The following TTLL6 variants were observed in gnomAD, a reference collection of about 807,000 sequenced individuals.
TTLL6 encodes the protein tubulin tyrosine ligase like 6, also known as tubulin polyglutamylase TTLL6.
A neutral mutation model predicts 96.4 loss-of-function variants in TTLL6; 75 were observed. The ratio of observed to expected loss-of-function variants is 0.78; its 90% CI spans 0.65 to 0.94. The LOEUF (loss-of-function observed/expected upper bound fraction) is 0.94. TTLL6 is among the 40% of genes least tolerant of loss of function. The probability of loss-of-function intolerance (pLI) is 0.00; values close to 1 mark genes in which losing one functional copy is unlikely to be tolerated. For synonymous variants in TTLL6, 411 were observed against 419.4 expected, an observed-to-expected ratio of 0.98 and a Z score of 0.24; for missense variants, 1,030 against 1,093.0, an observed-to-expected ratio of 0.94 and a Z score of 0.81.
intron 1 of TTLL6, 111 bp downstream of exon 1, chr17:48,816,859 G>A (rs1400269554): frequency 2.6e-6 from 2 of 764,768 alleles, no homozygotes; most frequent in East Asian, 3.3e-5. Flanking sequence ...GGCTACCCTG[G>A]GGACCTGGGT....
chr17:48,817,124 C>A lies in TTLL6; in HGVS notation c.-52G>T. On this transcript the variant is annotated 5_prime_UTR_variant, in exon 1 of 16. Transcript: ENST00000393382. Reference sequence around the variant, plus strand: ...CCCGCGCTCGCCCTAACTTTGGGTCCGCCCGGCCCTCATATTTGCATACGG... The same window carrying A: ...CCCGCGCTCGCCCTAACTTTGGGTCAGCCCGGCCCTCATATTTGCATACGG... 1 of 1,409,016 alleles carries A rather than the reference C, an allele frequency of 7.1e-7. No individual in the cohort carries two copies. The highest frequency in any genetic ancestry group is 9.6e-7 in the Non-Finnish European group (1 of 1,042,128). The allele number at this position is 1,409,016 out of a possible 1,614,324, so 87.3% of individuals were successfully genotyped here.
chr17:48,774,533 A>G (rs1463870032), intron 13 of TTLL6, among the ~76,000 whole-genome samples: 2 of 152,042 alleles, frequency 1.3e-5, no homozygotes, highest in Non-Finnish European at 2.9e-5. Flanking sequence ...AGTAAAAAAG[A>G]GAAAGAATAA....
chr17:48,767,154 C>T (rs1482511427), intron 15 of TTLL6, among the ~76,000 whole-genome samples: 15 of 152,128 alleles, frequency 9.9e-5, no homozygotes, highest in African/African-American at 1.9e-4. Context: ...CTGCCCACCT[C>T]GGCCTCCCAA....
rs189634235 is a variant in TTLL6, at chr17:48,801,367, C to A, written c.499G>T (p.Gly167Trp). 5 of 1,551,460 alleles carry A rather than the reference C, an allele frequency of 3.2e-6. No individual in the cohort carries two copies. The highest frequency in any genetic ancestry group is 1.7e-4 in the Middle Eastern group (1 of 6,014). Residue 167 changes from glycine (G) to tryptophan (W), a missense_variant, in exon 5 of 16, where the codon GGG becomes TGG. Gly to Trp is a radical substitution (Grantham distance 184). Coordinates refer to ENST00000393382, the MANE Select transcript of TTLL6 (RefSeq NM_001130918.3). ...KSYQKINHFPGMSEICRKDLL... is the reference protein window; with the variant it reads ...KSYQKINHFPWMSEICRKDLL... ...TCCTTCCGGCAGATTTCACTCATCC[C>A]GGGGAAGTGATTGATCTTCTGGAAG... is the stretch of plus-strand genomic sequence containing the variant.
chr17:48,808,499 C>T (rs1314905061), intron 1 of TTLL6, among the ~76,000 whole-genome samples: 1 of 152,108 alleles, frequency 6.6e-6, no homozygotes, highest in Non-Finnish European at 1.5e-5. Context: ...CAATATGCAA[C>T]AAGAGCAGGC....
At position 48,769,642 on chromosome 17, in the gene TTLL6, G is replaced by C. The variant is rs533192964; in HGVS notation, c.2410+86C>G. 2.7e-6 allele frequency: 4 copies of C among 1,499,788 alleles called. No homozygotes were observed. In the Admixed American group the frequency reaches 6.2e-5, roughly 23 times the overall value. The allele number at this position is 1,499,788 out of a possible 1,614,324, so 92.9% of individuals were successfully genotyped here. A position where few individuals can be genotyped will look rare whatever the true frequency, so the allele number is the denominator to read the frequency against. ...AGGGGCTGTCCCCCCTCCAAAGACT[G>C]GGAGCTCCCCAAAGATTAGGACTGG... On this transcript the variant is annotated intron_variant, in intron 14 of 15. Coordinates refer to ENST00000393382, the MANE Select transcript of TTLL6 (RefSeq NM_001130918.3).
At chr17:48,792,682 C>T (rs981692195) in intron 8 of TTLL6, among the ~76,000 whole-genome samples, 9 of 152,170 alleles carry the variant, frequency 5.9e-5, no homozygotes, top group African/African-American at 2.2e-4. Context: ...GGAGTCAACA[C>T]ACATGTGAAA....
At chr17:48,768,209 C>T (rs2038654133) in intron 15 of TTLL6, among the ~76,000 whole-genome samples, 1 of 152,112 alleles carries the variant, frequency 6.6e-6, no homozygotes, top group African/African-American at 2.4e-5. Flanking sequence ...ATCCTCCTAC[C>T]TTGGCCTCCC....
intron 3 of TTLL6, among the ~76,000 whole-genome samples, chr17:48,802,118 GAAAGAA>G (rs1190900588): frequency 7.9e-6 from 1 of 127,384 alleles, no homozygotes; most frequent in African/African-American, 2.6e-5. Flanking sequence ...AAGAAAGAAA[GAAAGAA>G]AGAAAGAAAG....
rs1026875124 is a variant in TTLL6 at position 48,786,187 on chromosome 17, C to G, written c.1738G>C (p.Ala580Pro). 1.9e-6 allele frequency: 3 copies of G among 1,614,110 alleles called. No homozygotes were observed. Among genetic ancestry groups the G allele is most frequent in the African/African-American group, 1.3e-5 (1 of 74,934 alleles). The change falls in exon 12 of 16, where the codon GCC becomes CCC. Residue 580 changes from alanine to proline, a missense_variant. By Grantham distance (27) the Ala-to-Pro change is conservative. Coordinates refer to ENST00000393382, the MANE Select transcript of TTLL6 (RefSeq NM_001130918.3). ...WQQKQQQKDK[A>P]ATQASKQYIQ... ...ACCTGTTTGGAGGCTTGGGTGGCGG[C>G]CTTGTCTTTCTGCTGTTGTTTCTGT...
intron 15 of TTLL6, 125 bp downstream of exon 15, chr17:48,768,864 T>G: frequency 9.3e-7 from 1 of 1,073,098 alleles, no homozygotes; most frequent in South Asian, 1.5e-5. Flanking sequence ...TTACTAAGTC[T>G]TCATTGTCTA....
At chr17:48,787,152 C>A (rs2039115959) in intron 11 of TTLL6, among the ~76,000 whole-genome samples, 1 of 151,964 alleles carries the variant, frequency 6.6e-6, no homozygotes, top group Admixed American at 6.6e-5. Flanking sequence ...ATATGTGATC[C>A]CTCCTCTGCT....
At chr17:48,784,560 G>A (rs1007107068) in intron 13 of TTLL6, among the ~76,000 whole-genome samples, 3 of 152,112 alleles carry the variant, frequency 2.0e-5, no homozygotes, top group African/African-American at 4.8e-5. Context: ...AGGATCCTCC[G>A]TCTAGAGCCC....
At chr17:48,790,646 G>T (rs1052034951) in intron 9 of TTLL6, among the ~76,000 whole-genome samples, 3 of 152,164 alleles carry the variant, frequency 2.0e-5, no homozygotes, top group Non-Finnish European at 4.4e-5. Context: ...TGCTCTTTGG[G>T]TAAGGGCTGC....
intron 8 of TTLL6, among the ~76,000 whole-genome samples, chr17:48,792,245 C>A (rs534455848): frequency 6.6e-6 from 1 of 152,296 alleles, no homozygotes; most frequent in East Asian, 1.9e-4. Context: ...CACAGATGAA[C>A]TCAGAGATGT....
rs149695304 is a variant in TTLL6 at position 48,769,825 on chromosome 17, A to C, written c.2313T>G (p.His771Gln). ...GCTTGGTGAGTAGCTCGGATATCAA[A>C]TGTGGCTTGTTCATGTCACTCTTTA... The part of the protein sequence containing the change: ...TLLKSDMNKP[H>Q]LISELLTKLQ... Residue 771 changes from histidine to glutamine, a missense_variant, in exon 14 of 16, where the codon CAT becomes CAG. Transcript: ENST00000393382. 33 of 1,614,130 alleles carry C rather than the reference A, an allele frequency of 2.0e-5. No individual in the cohort carries two copies. In the African/African-American group the frequency reaches 4.4e-4, roughly 22 times the overall value.
intron 13 of TTLL6, among the ~76,000 whole-genome samples, chr17:48,777,529 G>A (rs886987474): frequency 1.6e-4 from 25 of 152,120 alleles, no homozygotes; most frequent in Admixed American, 4.6e-4. Flanking sequence ...TCAGGAGTTC[G>A]AGACCAACCT....
At chr17:48,807,139 G>A (rs771755529) in intron 1 of TTLL6, among the ~76,000 whole-genome samples, 2 of 151,952 alleles carry the variant, frequency 1.3e-5, no homozygotes, top group Non-Finnish European at 2.9e-5. Flanking sequence ...CCAGGATGGA[G>A]TGCAATGGCG....
chr17:48,774,099 A>AC (rs755138293), intron 13 of TTLL6, among the ~76,000 whole-genome samples: 6,145 of 125,918 alleles, frequency 0.049, 274 homozygotes, highest in Non-Finnish European at 0.076. Context: ...AACAAAACAA[A>AC]AAAAAAAAAA....
Sources: gnomAD v4.1 joint callset for allele counts (sites outside exome capture counted in the v4.1 genomes callset) on GRCh38, gnomAD v4.1.1 for gene constraint, MANE v1.5 for transcripts, NCBI Gene and HGNC (gene_info 2026-07-23, HGNC 2026-07-21) for gene names.